TG: variants seen among roughly 807,000 people sequenced by gnomAD.
TG encodes the protein thyroglobulin, also known as thyroid hormones.
A neutral mutation model predicts 324.7 loss-of-function variants in TG; 270 were observed. That is an observed-to-expected ratio of 0.83 (90% CI 0.75 to 0.92). TG has a LOEUF of 0.92. TG is among the 40% of genes least tolerant of loss of function. The pLI is 0.00. For missense variants in TG, 3,591 were observed against 3,456.4 expected (o/e 1.04, Z -0.98); for synonymous variants, 1,401 against 1,327.0 (o/e 1.06, Z -1.21).
chr8:133,038,815 G>A (rs987305818), intron 41 of TG: 2 of 889,856 alleles, frequency 2.2e-6, no homozygotes, highest in Non-Finnish European at 1.8e-6. Context: ...AAGGGCAAGA[G>A]AATGAGAACA....
chr8:132,888,391 C>T lies in TG; in HGVS notation c.2584C>T (p.Leu862Phe). Residue 862 changes from leucine to phenylalanine, a missense_variant, in exon 10 of 48, where the codon CTC becomes TTC. Coordinates refer to ENST00000220616, the MANE Select transcript of TG (RefSeq NM_003235.5). Reference protein sequence around the residue: ...GKRPQPRENILLEPYLFWQIL... With the variant: ...GKRPQPRENIFLEPYLFWQIL... ...ACGGCCCCAGCCCAGGGAGAATATC[C>T]TCCTGGAGCCCTACCTCTTCTGGCA... 6.2e-7 allele frequency: 1 copy of T among 1,614,142 alleles called. No homozygotes were observed. The highest frequency in any genetic ancestry group is 8.5e-7 in the Non-Finnish European group (1 of 1,179,986).
chr8:132,879,447 G>T (rs1814327599), intron 5 of TG, among the ~76,000 whole-genome samples: 2 of 152,238 alleles, frequency 1.3e-5, no homozygotes, highest in Non-Finnish European at 1.5e-5. Flanking sequence ...GATTTTTAAA[G>T]AGTTGTGAGA....
chr8:133,019,597 T>G lies in TG; in HGVS notation c.6783-5T>G. 1 of 1,613,422 alleles carries G rather than the reference T, an allele frequency of 6.2e-7. No homozygotes were observed. The highest frequency in any genetic ancestry group is 8.5e-7 in the Non-Finnish European group (1 of 1,179,560). On this transcript the variant is annotated splice_region_variant and splice_polypyrimidine_tract_variant and intron_variant, in intron 38 of 47. Transcript: ENST00000220616. Reference sequence around the variant, plus strand: ...TCTTGGAAGTCACCCAGTCTGTATCTGCAGGGCCAGCTGCTGGCAGCCAGG... The same window carrying G: ...TCTTGGAAGTCACCCAGTCTGTATCGGCAGGGCCAGCTGCTGGCAGCCAGG...
intron 22 of TG, among the ~76,000 whole-genome samples, chr8:132,926,350 G>A (rs1821866501): frequency 6.6e-6 from 1 of 152,174 alleles, no homozygotes. Flanking sequence ...GATGCTTCTA[G>A]AGCTGTTATT....
At chr8:133,102,966 C>T (rs1321516143) in intron 43 of TG, 6 of 245,732 alleles carry the variant, frequency 2.4e-5, no homozygotes, top group Admixed American at 1.0e-4. Flanking sequence ...CAGCCCGAGG[C>T]GCTGGCACGA....
At chr8:132,954,947 A>G (rs1350702524) in intron 27 of TG, among the ~76,000 whole-genome samples, 1 of 152,168 alleles carries the variant, frequency 6.6e-6, no homozygotes, top group Non-Finnish European at 1.5e-5. Context: ...CTCACTGTCT[A>G]GCAGAGGGGC....
At chr8:133,085,705 T>A (rs1281347117) in intron 41 of TG, among the ~76,000 whole-genome samples, 1 of 152,218 alleles carries the variant, frequency 6.6e-6, no homozygotes, top group East Asian at 1.9e-4. Flanking sequence ...TAACAATTTT[T>A]AAAAACCAGA....
rs114180456 is a variant in TG at position 132,910,748 on chromosome 8, C to G, written c.4003-629C>G. On this transcript the variant is annotated intron_variant, in intron 18 of 47. Coordinates refer to ENST00000220616, the MANE Select transcript of TG (RefSeq NM_003235.5). Reference sequence around the variant, plus strand: ...AAAGTTCTGTTGTTTATAAGACACACAGTCTGTGGTATTTCGTAATGTTCA... The same window carrying G: ...AAAGTTCTGTTGTTTATAAGACACAGAGTCTGTGGTATTTCGTAATGTTCA... Among the ~76,000 whole-genome samples, 624 of 152,320 alleles carry G rather than the reference C, an allele frequency of 4.1e-3. 6 individuals are homozygous for G. The highest frequency in any genetic ancestry group is 0.014 in the African/African-American group (590 of 41,568).
intron 35 of TG, among the ~76,000 whole-genome samples, chr8:133,011,537 T>C (rs560296633): frequency 2.0e-4 from 31 of 152,216 alleles, no homozygotes; most frequent in African/African-American, 7.2e-4. Context: ...TGTCTGTTAG[T>C]ATCATTACCT....
Position 132,898,846 on chromosome 8 carries a change from G to A in TG, c.3266G>A (p.Trp1089Ter). The change falls in exon 14 of 48, where the codon TGG becomes TAG. Residue 1089 changes from tryptophan to a stop codon, truncating the protein, a stop_gained. Coordinates refer to ENST00000220616, the MANE Select transcript of TG (RefSeq NM_003235.5). LOFTEE classifies it high-confidence loss of function. ...KSRTSGLLSS[W>*]KQARSQENPS... is the part of the protein sequence containing the mutation. ...CGAACCAGTGGGCTGCTTTCCAGTT[G>A]GAAACAGGCTAGATCCCAAGAAAAC... 1.9e-6 allele frequency: 3 copies of A among 1,614,150 alleles called. No individual in the cohort carries two copies. Among genetic ancestry groups the A allele is most frequent in the Non-Finnish European group, 2.5e-6 (3 of 1,180,024 alleles).
chr8:133,101,748 C>T (rs747721789), intron 43 of TG, among the ~76,000 whole-genome samples: 16 of 152,246 alleles, frequency 1.1e-4, no homozygotes, highest in Non-Finnish European at 1.6e-4. Flanking sequence ...ACAACTGAAA[C>T]ACCATTGATA....
chr8:132,991,752 A>G (rs1373528504), intron 35 of TG, among the ~76,000 whole-genome samples: 1 of 152,108 alleles, frequency 6.6e-6, no homozygotes, highest in Non-Finnish European at 1.5e-5. Flanking sequence ...CTCCCAAGCC[A>G]GGATCCACAT....
intron 43 of TG, chr8:133,106,576 C>A: frequency 4.5e-6 from 2 of 441,498 alleles, no homozygotes; most frequent in Non-Finnish European, 6.0e-6. Flanking sequence ...GACCTCGCTG[C>A]TCCCCCTCAC....
chr8:133,057,022 A>G (rs1303647886), intron 41 of TG, among the ~76,000 whole-genome samples: 2 of 152,124 alleles, frequency 1.3e-5, no homozygotes, highest in Non-Finnish European at 2.9e-5. Flanking sequence ...TGCGAAGACC[A>G]CTTACTGAGA....
In TG at chr8:132,868,243, C is replaced by T. The variant is rs770585022; in HGVS notation, c.176+20C>T. 1.7e-5 allele frequency: 28 copies of T among 1,608,802 alleles called. No homozygotes were observed. The highest frequency in any genetic ancestry group is 8.0e-5 in the African/African-American group (6 of 74,900). Reference sequence around the variant, plus strand: ...CTTCCAGTAAGGCTTATGTCAGCAGCGAACTCTCAAGGTCCAAGATGCCAT... The same window carrying T: ...CTTCCAGTAAGGCTTATGTCAGCAGTGAACTCTCAAGGTCCAAGATGCCAT... On this transcript the variant is annotated intron_variant, in intron 2 of 47. Transcript: ENST00000220616.
intron 41 of TG, among the ~76,000 whole-genome samples, chr8:133,059,385 G>A (rs1484342018): frequency 1.3e-5 from 2 of 152,194 alleles, no homozygotes; most frequent in Non-Finnish European, 2.9e-5. Flanking sequence ...TCCACAGCAT[G>A]GTGGATTTGA....
chr8:132,935,227 G>A (rs1280246506), intron 24 of TG, among the ~76,000 whole-genome samples: 1 of 149,076 alleles, frequency 6.7e-6, no homozygotes, highest in African/African-American at 2.5e-5. Flanking sequence ...TGCAACCTCC[G>A]CCTCCCAGGT....
intron 41 of TG, among the ~76,000 whole-genome samples, chr8:133,094,048 G>A (rs551718169): frequency 6.6e-6 from 1 of 152,170 alleles, no homozygotes; most frequent in South Asian, 2.1e-4. Flanking sequence ...TCTTCAGTGG[G>A]CAGCCAGTGT....
chr8:133,105,107 A>G (rs1849685403), intron 43 of TG, among the ~76,000 whole-genome samples: 1 of 152,184 alleles, frequency 6.6e-6, no homozygotes, highest in Non-Finnish European at 1.5e-5. Context: ...GAAGCAGGTG[A>G]ACTCTGGTAG....
Sources: gnomAD v4.1 joint callset for allele counts (sites outside exome capture counted in the v4.1 genomes callset) on GRCh38, gnomAD v4.1.1 for gene constraint, MANE v1.5 for transcripts, NCBI Gene and HGNC (gene_info 2026-07-23, HGNC 2026-07-21) for gene names.